Variants in SYN2 observed in about 807,000 individuals in gnomAD.
SYN2 encodes synapsin II.
A neutral mutation model predicts 50.9 loss-of-function variants in SYN2; 19 were observed. The ratio of observed to expected loss-of-function variants is 0.37; its 90% CI spans 0.26 to 0.55. The LOEUF (loss-of-function observed/expected upper bound fraction) is 0.55. SYN2 is among the 20% of genes least tolerant of loss of function. The pLI is 0.81. For missense variants in SYN2, 587 were observed against 576.4 expected (o/e 1.02, Z -0.19); for synonymous variants, 255 against 224.9 (o/e 1.13, Z -1.20).
At chr3:12,076,401 AGGCTGT>A in intron 1 of SYN2, among the ~76,000 whole-genome samples, 2 of 152,112 alleles carry the variant, frequency 1.3e-5, no homozygotes, top group East Asian at 3.9e-4. Context: ...TTCTTTTCTC[AGGCTGT>A]GTACAAATTT....
Position 12,140,870 on chromosome 3 carries a change from T to C in SYN2, c.435+162T>C, listed in dbSNP as rs1304349230. ...CTATCCTTTCCCCAGGACCTTTCTG[T>C]CTGTGAGGCATGGTCCTGGAGTCTG... On this transcript the variant is annotated intron_variant, in intron 2 of 12. Transcript: ENST00000621198. Among the ~76,000 whole-genome samples the C allele has an allele frequency of 2.0e-5, 3 of 152,188 alleles. No homozygotes were observed. In the East Asian group the frequency reaches 5.8e-4, roughly 29 times the overall value.
intron 5 of SYN2, chr3:12,157,251 C>G: frequency 2.5e-6 from 2 of 797,404 alleles, no homozygotes; most frequent in South Asian, 3.4e-5. Flanking sequence ...CAAATCTCAT[C>G]CAGTTCCACT....
rs1167513992 is a variant in SYN2, at chr3:12,191,965, GA to G, written c.*1341del. Among the ~76,000 whole-genome samples the G allele has an allele frequency of 1.4e-4, 21 of 152,156 alleles. No individual in the cohort carries two copies. Among genetic ancestry groups the G allele is most frequent in the Admixed American group, 1.4e-3 (21 of 15,282 alleles). ...TGATACTCAAGTATATTTTCCCAAAGACCACGGATGCTGTGAAGATAAACAC... is the reference window on the plus strand; with the variant it reads ...TGATACTCAAGTATATTTTCCCAAAGCCACGGATGCTGTGAAGATAAACAC... On this transcript the variant is annotated 3_prime_UTR_variant, in exon 13 of 13. Coordinates refer to ENST00000621198, the MANE Select transcript of SYN2 (RefSeq NM_133625.6).
At chr3:12,072,580 C>CT (rs913506343) in intron 1 of SYN2, among the ~76,000 whole-genome samples, 29 of 152,046 alleles carry the variant, frequency 1.9e-4, no homozygotes. Flanking sequence ...TGAAAATATT[C>CT]TTTTTTCTCC....
chr3:12,007,319 G>C (rs1693820815), intron 1 of SYN2, among the ~76,000 whole-genome samples: 1 of 152,208 alleles, frequency 6.6e-6, no homozygotes, highest in Admixed American at 6.5e-5. Context: ...TTCAAGTCTA[G>C]TTCTTGACAA....
intron 1 of SYN2, among the ~76,000 whole-genome samples, chr3:12,139,579 C>G (rs1227312121): frequency 1.3e-5 from 2 of 152,196 alleles, no homozygotes; most frequent in Non-Finnish European, 2.9e-5. Flanking sequence ...AGCCCTTTCT[C>G]TGTATCTTAT....
At chr3:12,050,207 G>A (rs889527318) in intron 1 of SYN2, among the ~76,000 whole-genome samples, 1 of 152,034 alleles carries the variant, frequency 6.6e-6, no homozygotes, top group Non-Finnish European at 1.5e-5. Flanking sequence ...AGCCTCGACA[G>A]TTCTTAGACT....
intron 1 of SYN2, among the ~76,000 whole-genome samples, chr3:12,041,846 T>C (rs1180712271): frequency 1.3e-5 from 2 of 152,236 alleles, no homozygotes; most frequent in Non-Finnish European, 2.9e-5. Context: ...CATCTGCACC[T>C]GACAGGCTGG....
intron 1 of SYN2, among the ~76,000 whole-genome samples, chr3:12,074,520 A>G (rs1268132283): frequency 6.6e-6 from 1 of 152,160 alleles, no homozygotes; most frequent in Non-Finnish European, 1.5e-5. Flanking sequence ...AGTTGACTTA[A>G]AGTCCAAATT....
At chr3:12,113,970 A>G (rs1696378355) in intron 1 of SYN2, among the ~76,000 whole-genome samples, 1 of 152,102 alleles carries the variant, frequency 6.6e-6, no homozygotes, top group Non-Finnish European at 1.5e-5. Flanking sequence ...TTGTTGGATC[A>G]TGGTAACTCT....
chr3:12,112,149 C>G (rs1696332138), intron 1 of SYN2, among the ~76,000 whole-genome samples: 1 of 152,064 alleles, frequency 6.6e-6, no homozygotes, highest in African/African-American at 2.4e-5. Flanking sequence ...CAGAAGTGCT[C>G]TGAGTCTAGA....
At chr3:12,133,509 C>T (rs191311792) in intron 1 of SYN2, among the ~76,000 whole-genome samples, 10 of 152,246 alleles carry the variant, frequency 6.6e-5, no homozygotes, top group East Asian at 1.9e-4. Flanking sequence ...TTTTAAATGT[C>T]GTTGTCATTT....
At chr3:12,182,822 C>A (rs1698253495) in intron 10 of SYN2, among the ~76,000 whole-genome samples, 1 of 152,220 alleles carries the variant, frequency 6.6e-6, no homozygotes, top group Non-Finnish European at 1.5e-5. Context: ...CAGGCATGCG[C>A]ACACATACAC....
chr3:12,035,478 G>A (rs565090201), intron 1 of SYN2, among the ~76,000 whole-genome samples: 3 of 152,332 alleles, frequency 2.0e-5, no homozygotes, highest in Admixed American at 6.5e-5. Context: ...ATTTATTGCA[G>A]GGCACCAAGC....
chr3:12,119,455 A>T (rs1349890264), intron 1 of SYN2, among the ~76,000 whole-genome samples: 1 of 152,162 alleles, frequency 6.6e-6, no homozygotes, highest in East Asian at 1.9e-4. Flanking sequence ...CCCCTAGTAG[A>T]AATTTGTTAA....
At chr3:12,156,273 A>G (rs1037143105) in intron 5 of SYN2, among the ~76,000 whole-genome samples, 1 of 152,214 alleles carries the variant, frequency 6.6e-6, no homozygotes, top group Admixed American at 6.5e-5. Flanking sequence ...CAACTACCAA[A>G]TAGTTCCGTT....
intron 10 of SYN2, among the ~76,000 whole-genome samples, chr3:12,178,867 T>G (rs1048878446): frequency 1.3e-5 from 2 of 152,266 alleles, no homozygotes; most frequent in Non-Finnish European, 2.9e-5. Context: ...AGAAGGCAAC[T>G]GCCTTGCCCA....
intron 1 of SYN2, among the ~76,000 whole-genome samples, chr3:12,124,534 A>G (rs1441307835): frequency 6.6e-6 from 1 of 152,252 alleles, no homozygotes; most frequent in Non-Finnish European, 1.5e-5. Context: ...CATTACTTGC[A>G]ATAAGAAATT....
At chr3:12,180,313 C>T (rs114519301) in intron 10 of SYN2, among the ~76,000 whole-genome samples, 2,387 of 152,148 alleles carry the variant, frequency 0.016, 53 homozygotes, top group African/African-American at 0.054. Flanking sequence ...CAGCTAGGCA[C>T]AAGCACTGCA....
Sources: gnomAD v4.1 joint callset for allele counts (sites outside exome capture counted in the v4.1 genomes callset) on GRCh38, gnomAD v4.1.1 for gene constraint, MANE v1.5 for transcripts, NCBI Gene and HGNC (gene_info 2026-07-23, HGNC 2026-07-21) for gene names.